Variants in CEP85 observed in about 807,000 individuals in gnomAD.
The protein encoded by CEP85 is centrosomal protein of 85 kDa.
Under a neutral mutation model 93.7 loss-of-function variants are expected in CEP85, and 58 were observed. That is an observed-to-expected ratio of 0.62 (90% CI 0.50 to 0.77). The LOEUF (loss-of-function observed/expected upper bound fraction) is 0.77. Among genes scored for constraint, CEP85 ranks in the 30% least tolerant of loss-of-function variants. The pLI, the probability that CEP85 is intolerant of heterozygous loss-of-function variation, is 0.00. For missense variants in CEP85, 868 were observed against 922.0 expected (o/e 0.94, Z 0.76); for synonymous variants, 314 against 338.6 (o/e 0.93, Z 0.80).
chr1:26,240,075 T>C (rs1237777128), intron 2 of CEP85, among the ~76,000 whole-genome samples: 1 of 152,138 alleles, frequency 6.6e-6, no homozygotes, highest in Non-Finnish European at 1.5e-5. Context: ...ATATAAAGGA[T>C]TGGAACAGAA....
chr1:26,255,288 C>T lies in CEP85; in HGVS notation c.326C>T (p.Thr109Ile), dbSNP rs749311133. The change falls in exon 4 of 14, where the codon ACA (threonine) becomes ATA (isoleucine). Residue 109 changes from threonine to isoleucine, a missense_variant. By Grantham distance (89) the Thr-to-Ile change is moderately conservative (BLOSUM62 -1). Coordinates refer to ENST00000451429, the MANE Select transcript of CEP85 (RefSeq NM_001319944.2). ...LGTSPAKPNSTPVGPSSSKLP... is the reference protein window; with the variant it reads ...LGTSPAKPNSIPVGPSSSKLP... ...ACCTCTCCTGCCAAGCCAAATTCTA[C>T]ACCTGTTGGACCCTCTTCCTCTAAA... The T allele has an allele frequency of 3.1e-6, 5 of 1,614,186 alleles. No homozygotes were observed. In the South Asian group the frequency reaches 3.3e-5, roughly 11 times the overall value.
chr1:26,274,903 T>C (rs982812695), intron 11 of CEP85, 61 bp from the exon 12 acceptor site: 5 of 1,336,810 alleles, frequency 3.7e-6, no homozygotes, highest in African/African-American at 1.5e-5. Context: ...AGCGGTGATA[T>C]TGTCTGAACC....
At chr1:26,258,819 A>G (rs936282272) in intron 6 of CEP85, among the ~76,000 whole-genome samples, 2 of 151,802 alleles carry the variant, frequency 1.3e-5, no homozygotes, top group South Asian at 2.1e-4. Flanking sequence ...CTGGTCTCGA[A>G]CTCCTGACCT....
chr1:26,244,417 G>A, intron 3 of CEP85, 99 bp downstream of exon 3: 2 of 1,058,286 alleles, frequency 1.9e-6, no homozygotes, highest in South Asian at 1.5e-5. Flanking sequence ...TTTCCAGAAT[G>A]TTCATAACGT....
chr1:26,277,826 G>A lies in CEP85; in HGVS notation c.*533G>A, dbSNP rs1007697903. 4 of 153,936 alleles carry A rather than the reference G, an allele frequency of 2.6e-5. No homozygotes were observed. The highest frequency in any genetic ancestry group is 9.7e-5 in the African/African-American group (4 of 41,424). The allele number at this position is 153,936 out of a possible 1,614,324, so 9.5% of individuals were successfully genotyped here. On this transcript the variant is annotated 3_prime_UTR_variant, in exon 14 of 14. Transcript: ENST00000451429. ...TTACTGCTTCTTCCTCAGGGCTCTT[G>A]TTCTCCCAGAAGCCTCAGGGTAATG... is the stretch of plus-strand genomic sequence containing the variant.
intron 11 of CEP85, among the ~76,000 whole-genome samples, chr1:26,273,932 A>ATAAATAAATAAAAT (rs1553161624): frequency 1.4e-4 from 20 of 145,814 alleles, no homozygotes; most frequent in East Asian, 3.9e-4. Flanking sequence ...AAATAAATAA[A>ATAAATAAATAAAAT]ATATATATAT....
At chr1:26,258,307 G>A (rs2089752323) in intron 6 of CEP85, 47 bp downstream of exon 6, 1 of 1,245,550 alleles carries the variant, frequency 8.0e-7, no homozygotes, top group Non-Finnish European at 1.2e-6. Flanking sequence ...ATAACTCGGT[G>A]TCTTCCCTAT....
intron 3 of CEP85, among the ~76,000 whole-genome samples, chr1:26,251,230 A>G (rs1034595555): frequency 7.3e-6 from 1 of 136,928 alleles, no homozygotes; most frequent in Non-Finnish European, 1.6e-5. Context: ...GGCATAAACC[A>G]CCGTGCCCAA....
intron 12 of CEP85, 130 bp from the exon 13 acceptor site, chr1:26,276,405 A>G (rs1557671473): frequency 1.4e-6 from 1 of 701,592 alleles, no homozygotes; most frequent in East Asian, 2.7e-5. Flanking sequence ...GCCTGTTGGC[A>G]GGGGTAGGGT....
chr1:26,263,227 C>G (rs879144112), intron 7 of CEP85: 1 of 310,640 alleles, frequency 3.2e-6, no homozygotes, highest in South Asian at 3.5e-5. Flanking sequence ...ATACCCACCT[C>G]TGCTGTGCTG....
Position 26,239,778 on chromosome 1 carries a change from T to G in CEP85, c.-6T>G. The stretch of plus-strand genomic sequence containing the variant: ...ATTCTACAGTTGGCTTAAATAACTG[T>G]GATTGATGGCCATGCAGGAGAAATA... On this transcript the variant is annotated 5_prime_UTR_variant, in exon 2 of 14. Transcript: ENST00000451429. 6.8e-6 allele frequency: 11 copies of G among 1,611,254 alleles called. No individual in the cohort carries two copies. The highest frequency in any genetic ancestry group is 9.3e-6 in the Non-Finnish European group (11 of 1,177,382).
At chr1:26,270,603 T>A (rs568189275) in intron 9 of CEP85, among the ~76,000 whole-genome samples, 2 of 152,334 alleles carry the variant, frequency 1.3e-5, no homozygotes, top group South Asian at 4.1e-4. Flanking sequence ...AACCATTGGT[T>A]AGAGTCAGAA....
rs1329746794 is a variant in CEP85, at chr1:26,241,617, T to C, written c.55+1779T>C. ...GTTTGTACAGTTTCTATGACAATTA[T>C]GTATATAATGCAAGTTTTTGGAACA... On this transcript the variant is annotated intron_variant, in intron 2 of 13. Transcript: ENST00000451429. Among the ~76,000 whole-genome samples the C allele has an allele frequency of 3.3e-5, 5 of 152,294 alleles. No homozygotes were observed. In the South Asian group the frequency reaches 6.2e-4, roughly 19 times the overall value.
chr1:26,255,867 T>C lies in CEP85; in HGVS notation c.903+2T>C. 2 of 1,596,298 alleles carry C rather than the reference T, an allele frequency of 1.3e-6. No individual in the cohort carries two copies. The highest frequency in any genetic ancestry group is 1.7e-6 in the Non-Finnish European group (2 of 1,168,672). On this transcript the variant is annotated splice_donor_variant, in intron 4 of 13. Transcript: ENST00000451429. LOFTEE classifies it high-confidence loss of function. ...CGTTTACAGATGGAGCAAATGCAGG[T>C]AGAGGTCTATCTTTCCTTGGATTTT...
intron 3 of CEP85, among the ~76,000 whole-genome samples, chr1:26,246,555 G>A (rs1374010499): frequency 1.3e-5 from 2 of 151,970 alleles, no homozygotes; most frequent in African/African-American, 2.4e-5. Flanking sequence ...GCAACACGGT[G>A]AAAGCCCATC....
intron 3 of CEP85, 120 bp from the exon 4 acceptor site, chr1:26,255,051 T>C (rs1261123694): frequency 2.5e-6 from 2 of 789,028 alleles, no homozygotes; most frequent in East Asian, 4.9e-5. Flanking sequence ...CCTGATACTT[T>C]TGATGATGGT....
chr1:26,259,569 A>G (rs746622844), intron 6 of CEP85, 48 bp from the exon 7 acceptor site: 24 of 1,480,490 alleles, frequency 1.6e-5, no homozygotes, highest in Non-Finnish European at 2.2e-5. Flanking sequence ...AAAGTACATG[A>G]GACTATAAGG....
chr1:26,255,226 C>T lies in CEP85; in HGVS notation c.264C>T (p.Thr88=). The change falls in exon 4 of 14, where the codon ACC becomes ACT. Residue 88 remains threonine, a synonymous_variant. Coordinates refer to ENST00000451429, the MANE Select transcript of CEP85 (RefSeq NM_001319944.2). ...PPFQPIKSHV[T]IPTAHVMPST... ...TCCAGCCCATCAAAAGCCACGTAAC[C>T]ATTCCAACAGCCCATGTGATGCCTT... 1.2e-6 allele frequency: 2 copies of T among 1,614,188 alleles called. No homozygotes were observed. The highest frequency in any genetic ancestry group is 1.7e-6 in the Non-Finnish European group (2 of 1,180,036).
chr1:26,277,370 T>G lies in CEP85; in HGVS notation c.*77T>G. On this transcript the variant is annotated 3_prime_UTR_variant, in exon 14 of 14. Transcript: ENST00000451429. ...CCAGCAGGTTTCTGCCCTGACATTC[T>G]CTTGTCTGCTATTCCCAGAGAGGTC... is the stretch of plus-strand genomic sequence containing the variant. 2.1e-6 allele frequency: 3 copies of G among 1,416,238 alleles called. No individual in the cohort carries two copies. The highest frequency in any genetic ancestry group is 2.9e-6 in the Non-Finnish European group (3 of 1,020,286). The allele number at this position is 1,416,238 out of a possible 1,614,324, so 87.7% of individuals were successfully genotyped here.
Sources: gnomAD v4.1 joint callset for allele counts (sites outside exome capture counted in the v4.1 genomes callset) on GRCh38, gnomAD v4.1.1 for gene constraint, MANE v1.5 for transcripts, NCBI Gene and HGNC (gene_info 2026-07-23, HGNC 2026-07-21) for gene names.